Variants in L3MBTL4 observed in about 807,000 individuals in gnomAD.
The protein encoded by L3MBTL4 is L3MBTL histone methyl-lysine binding protein 4.
L3MBTL4 carries 70 observed loss-of-function variants against 84.5 expected under a neutral mutation model. That is an observed-to-expected ratio of 0.83 (90% CI 0.68 to 1.01). The LOEUF is 1.01. L3MBTL4 is among the 50% of genes least tolerant of loss of function. L3MBTL4 has a pLI of 0.00. For missense variants in L3MBTL4, 715 were observed against 754.8 expected, an observed-to-expected ratio of 0.95 and a Z score of 0.62; for synonymous variants, 274 against 259.8, an observed-to-expected ratio of 1.05 and a Z score of -0.52.
rs539641543 is a variant in L3MBTL4 at position 6,090,708 on chromosome 18, T to C, written c.1373+2647A>G. Among the ~76,000 whole-genome samples the C allele has an allele frequency of 1.7e-4, 26 of 151,404 alleles. No individual in the cohort carries two copies. In the South Asian group the frequency reaches 1.9e-3, roughly 11 times the overall value. On this transcript the variant is annotated intron_variant, in intron 15 of 18. Transcript: ENST00000317931. The stretch of plus-strand genomic sequence containing the variant: ...AATGGTGTGATAGCTCACTGCAGCC[T>C]CTGCTTCCCAGGCTCAAGTGATCCT...
chr18:6,024,123 C>T (rs1344071726), intron 16 of L3MBTL4, among the ~76,000 whole-genome samples: 10 of 152,118 alleles, frequency 6.6e-5, no homozygotes, highest in Non-Finnish European at 1.3e-4. Flanking sequence ...GTGATCCGCC[C>T]GCCTCAGCCT....
At chr18:6,380,985 A>G (rs2054573095) in intron 1 of L3MBTL4, among the ~76,000 whole-genome samples, 1 of 152,132 alleles carries the variant, frequency 6.6e-6, no homozygotes, top group Non-Finnish European at 1.5e-5. Flanking sequence ...AACTTGCTTT[A>G]TGCATCTGGG....
At chr18:6,084,111 A>C (rs1045355686) in intron 15 of L3MBTL4, among the ~76,000 whole-genome samples, 1 of 152,246 alleles carries the variant, frequency 6.6e-6, no homozygotes, top group Non-Finnish European at 1.5e-5. Flanking sequence ...TTAAAAAGTC[A>C]CATAATAAGT....
chr18:6,393,393 T>C (rs1243360594), intron 1 of L3MBTL4, among the ~76,000 whole-genome samples: 1 of 152,032 alleles, frequency 6.6e-6, no homozygotes, highest in African/African-American at 2.4e-5. Context: ...GGAGCATGAG[T>C]GGTGACACAG....
intron 15 of L3MBTL4, among the ~76,000 whole-genome samples, chr18:6,090,970 C>T (rs900529628): frequency 6.6e-6 from 1 of 152,090 alleles, no homozygotes; most frequent in African/African-American, 2.4e-5. Context: ...CTCTGATTTT[C>T]ACCAATTTAA....
At chr18:6,137,991 TGCCTCA>T in intron 14 of L3MBTL4, among the ~76,000 whole-genome samples, 197 bp downstream of exon 14, 1 of 152,232 alleles carries the variant, frequency 6.6e-6, no homozygotes, top group East Asian at 1.9e-4. Flanking sequence ...GTCTGGGAAA[TGCCTCA>T]TAATTCCAAG....
At chr18:6,269,032 T>C (rs1025405784) in intron 4 of L3MBTL4, among the ~76,000 whole-genome samples, 11 of 152,206 alleles carry the variant, frequency 7.2e-5, no homozygotes, top group Non-Finnish European at 1.3e-4. Flanking sequence ...GCTGACTCAC[T>C]CTAGCACACA....
At chr18:5,970,081 A>G (rs531227147) in intron 16 of L3MBTL4, among the ~76,000 whole-genome samples, 1 of 152,370 alleles carries the variant, frequency 6.6e-6, no homozygotes, top group Admixed American at 6.5e-5. Context: ...CATGACATGT[A>G]GCAAGGGTCC....
chr18:6,084,652 C>CA (rs1177959294), intron 15 of L3MBTL4, among the ~76,000 whole-genome samples: 2 of 152,158 alleles, frequency 1.3e-5, no homozygotes, highest in South Asian at 4.1e-4. Flanking sequence ...TTTCTGCCAC[C>CA]AAAAGACTCA....
chr18:6,098,642 G>A (rs1420051637), intron 14 of L3MBTL4, among the ~76,000 whole-genome samples: 1 of 152,174 alleles, frequency 6.6e-6, no homozygotes, highest in Non-Finnish European at 1.5e-5. Flanking sequence ...ATGTGGAAAC[G>A]TGGCTTCCTA....
chr18:6,051,987 A>G (rs2056859004), intron 16 of L3MBTL4, among the ~76,000 whole-genome samples: 1 of 152,292 alleles, frequency 6.6e-6, no homozygotes, highest in South Asian at 2.1e-4. Flanking sequence ...TGTCTCATTC[A>G]ACATTGATGG....
intron 16 of L3MBTL4, among the ~76,000 whole-genome samples, chr18:6,071,761 A>AAAAGAAAGAAAGAAAGAAAGAAAG (rs201841975): frequency 6.7e-4 from 62 of 92,192 alleles, no homozygotes; most frequent in Non-Finnish European, 1.0e-3. Context: ...AAGAAAGAAA[A>AAAAGAAAGAAAGAAAGAAAGAAAG]AAAGAAAGAA....
At chr18:6,080,611 G>C (rs1447648972) in intron 16 of L3MBTL4, among the ~76,000 whole-genome samples, 2 of 152,178 alleles carry the variant, frequency 1.3e-5, no homozygotes, top group Non-Finnish European at 2.9e-5. Context: ...TCTAACTTCT[G>C]TTGGTTTACA....
At chr18:6,105,363 A>G (rs903191701) in intron 14 of L3MBTL4, among the ~76,000 whole-genome samples, 1 of 150,568 alleles carries the variant, frequency 6.6e-6, no homozygotes, top group East Asian at 2.0e-4. Context: ...CTAATTTTTG[A>G]ATTTTTAGTA....
At chr18:6,121,684 CCG>C (rs2059531783) in intron 14 of L3MBTL4, among the ~76,000 whole-genome samples, 1 of 130,378 alleles carries the variant, frequency 7.7e-6, no homozygotes, top group Middle Eastern at 3.5e-3. Context: ...CATTGTTTCC[CCG>C]TGTGTGTGTG....
At position 6,215,750 on chromosome 18, in the gene L3MBTL4, C is replaced by A. The variant is rs867617603; in HGVS notation, c.870G>T (p.Met290Ile). 2 of 1,591,750 alleles carry A rather than the reference C, an allele frequency of 1.3e-6. No homozygotes were observed. The highest frequency in any genetic ancestry group is 1.7e-6 in the Non-Finnish European group (2 of 1,166,706). Residue 290 changes from methionine (M) to isoleucine (I), a missense_variant and splice_region_variant, in exon 11 of 19, where the codon ATG becomes ATT. Transcript: ENST00000317931. ...TNAVPAKVFK[M>I]RLPHGFLPNM... is the part of the protein sequence containing the mutation. ...GAGTTTGTACCCACATAGAACTTAC[C>A]ATTTTAAAAACTTTGGCAGGAACTG...
At chr18:6,360,526 C>G (rs1485507143) in intron 1 of L3MBTL4, among the ~76,000 whole-genome samples, 13 of 152,286 alleles carry the variant, frequency 8.5e-5, no homozygotes, top group Admixed American at 6.5e-4. Context: ...AGATTTATCA[C>G]TTTAATGTTA....
At chr18:6,105,895 T>C (rs2058989500) in intron 14 of L3MBTL4, among the ~76,000 whole-genome samples, 1 of 151,938 alleles carries the variant, frequency 6.6e-6, no homozygotes, top group South Asian at 2.1e-4. Context: ...AGTAAAATTA[T>C]AGAAAAATCA....
At chr18:6,047,397 T>C (rs2056669589) in intron 16 of L3MBTL4, among the ~76,000 whole-genome samples, 1 of 152,074 alleles carries the variant, frequency 6.6e-6, no homozygotes, top group African/African-American at 2.4e-5. Context: ...CCCTAACTGA[T>C]TCTACATAGC....
Sources: gnomAD v4.1 joint callset for allele counts (sites outside exome capture counted in the v4.1 genomes callset) on GRCh38, gnomAD v4.1.1 for gene constraint, MANE v1.5 for transcripts, NCBI Gene and HGNC (gene_info 2026-07-23, HGNC 2026-07-21) for gene names.